Variants in HMCN1 observed in about 807,000 individuals in gnomAD.
HMCN1 encodes hemicentin-1.
In HMCN1, 321 loss-of-function variants were observed where a neutral mutation model predicts 625.9. The observed-to-expected ratio is 0.51, with a 90% CI of 0.47 to 0.56. The LOEUF (loss-of-function observed/expected upper bound fraction) is 0.56, where lower values mean the gene tolerates loss of function less well. Ranked by LOEUF, HMCN1 falls within the 20% of genes least tolerant of loss-of-function variation. The pLI is 0.00. For missense variants in HMCN1, 6,588 were observed against 6,887.3 expected (o/e 0.96, Z 1.54); for synonymous variants, 2,425 against 2,417.6 (o/e 1.00, Z -0.09).
intron 46 of HMCN1, 82 bp from the exon 47 acceptor site, chr1:186,061,769 C>T (rs576528751): frequency 8.2e-6 from 7 of 851,242 alleles, no homozygotes; most frequent in South Asian, 4.7e-5. Flanking sequence ...AAATTTTTAC[C>T]GAAATTGAGC....
At chr1:186,169,687 G>A (rs932015001) in intron 100 of HMCN1, among the ~76,000 whole-genome samples, 2 of 152,074 alleles carry the variant, frequency 1.3e-5, no homozygotes, top group Non-Finnish European at 2.9e-5. Flanking sequence ...AACTCAAGAT[G>A]GGTTACAGAC....
chr1:186,038,732 A>G (rs1045620742), intron 37 of HMCN1, 97 bp from the exon 38 acceptor site: 3 of 753,446 alleles, frequency 4.0e-6, no homozygotes, highest in African/African-American at 1.8e-5. Flanking sequence ...AATAATAAGT[A>G]TAAGAATAAA....
chr1:185,777,762 A>C (rs1270520353), intron 1 of HMCN1, among the ~76,000 whole-genome samples: 1 of 152,158 alleles, frequency 6.6e-6, no homozygotes, highest in Non-Finnish European at 1.5e-5. Context: ...GTTTCTTTAC[A>C]TCTTATTTAT....
intron 105 of HMCN1, among the ~76,000 whole-genome samples, chr1:186,182,681 T>C (rs1327213324): frequency 1.3e-5 from 2 of 152,254 alleles, no homozygotes; most frequent in African/African-American, 4.8e-5. Context: ...GTCCCTCTTA[T>C]TAAACTTATT....
chr1:186,097,518 T>C (rs951749315), intron 68 of HMCN1, among the ~76,000 whole-genome samples: 3 of 150,450 alleles, frequency 2.0e-5, no homozygotes, highest in Admixed American at 2.0e-4. Flanking sequence ...AAAAAAGATA[T>C]GTAAGAATAA....
At chr1:186,076,739 G>GCAGTCTA in intron 54 of HMCN1, 117 bp downstream of exon 54, 1 of 981,404 alleles carries the variant, frequency 1.0e-6, no homozygotes, top group South Asian at 1.3e-5. Flanking sequence ...CTGGCAGTTA[G>GCAGTCTA]ACTGCTGAAT....
chr1:185,749,339 A>G (rs188811479), intron 1 of HMCN1, among the ~76,000 whole-genome samples: 1 of 152,328 alleles, frequency 6.6e-6, no homozygotes, highest in African/African-American at 2.4e-5. Context: ...AGCAGATTGA[A>G]TGTTTTCTTT....
rs1159496508 is a variant in HMCN1 at position 186,144,547 on chromosome 1, G to A, written c.14110G>A (p.Ala4704Thr). Residue 4704 changes from alanine (A) to threonine (T), a missense_variant, in exon 91 of 107, where the codon GCG becomes ACG. By Grantham distance (58) the Ala-to-Thr change is moderately conservative (BLOSUM62 0). Around this residue, in one of 3 missense-constraint regions of HMCN1, gnomAD observed 1,954 missense variants for 2,013.1 expected, o/e 0.97. Coordinates refer to ENST00000271588, the MANE Select transcript of HMCN1 (RefSeq NM_031935.3). The part of the protein sequence containing the change: ...ERNCPIHGKW[A>T]TWASWSACSV... Reference sequence around the variant, plus strand: ...CCTTATTCCAGTTCATGGCAAGTGGGCGACTTGGGCCAGTTGGAGTGCCTG... The same window carrying A: ...CCTTATTCCAGTTCATGGCAAGTGGACGACTTGGGCCAGTTGGAGTGCCTG... 1 of 1,614,084 alleles carries A rather than the reference G, an allele frequency of 6.2e-7. No individual in the cohort carries two copies. The highest frequency in any genetic ancestry group is 2.2e-5 in the East Asian group (1 of 44,874).
At chr1:186,136,644 G>GAC in intron 86 of HMCN1, 24 bp from the exon 87 acceptor site, 1 of 1,612,782 alleles carries the variant, frequency 6.2e-7, no homozygotes, top group Middle Eastern at 1.7e-4. Context: ...CAAAAACTGA[G>GAC]ACACTATGTG....
chr1:186,163,748 G>A (rs1224409826), intron 97 of HMCN1, among the ~76,000 whole-genome samples: 1 of 152,044 alleles, frequency 6.6e-6, no homozygotes, highest in Non-Finnish European at 1.5e-5. Flanking sequence ...GCAAGGCAAG[G>A]GACAAATCAT....
At chr1:185,928,791 C>G in intron 10 of HMCN1, 124 bp downstream of exon 10, 1 of 1,080,054 alleles carries the variant, frequency 9.3e-7, no homozygotes, top group South Asian at 1.3e-5. Context: ...GTCTATCTCT[C>G]CACTGAATTG....
intron 41 of HMCN1, among the ~76,000 whole-genome samples, chr1:186,046,821 G>A (rs1656604104): frequency 6.6e-6 from 1 of 152,260 alleles, no homozygotes; most frequent in South Asian, 2.1e-4. Flanking sequence ...GACATTGAAA[G>A]TCATCCTAAG....
At chr1:185,793,927 T>C (rs1324724650) in intron 1 of HMCN1, among the ~76,000 whole-genome samples, 1 of 152,198 alleles carries the variant, frequency 6.6e-6, no homozygotes, top group Non-Finnish European at 1.5e-5. Context: ...GAATTTTTAC[T>C]AAGAACTATC....
At chr1:185,943,322 G>A (rs1370948476) in intron 11 of HMCN1, among the ~76,000 whole-genome samples, 1 of 152,180 alleles carries the variant, frequency 6.6e-6, no homozygotes, top group African/African-American at 2.4e-5. Flanking sequence ...CACTCCTTGT[G>A]GGAATGAGCC....
chr1:185,965,822 G>T lies in HMCN1; in HGVS notation c.2119G>T (p.Val707Phe), dbSNP rs137903471. Residue 707 changes from valine to phenylalanine, a missense_variant, in exon 14 of 107, where the codon GTT becomes TTT. Physicochemically the swap from Val to Phe is conservative, Grantham distance 50. Coordinates refer to ENST00000271588, the MANE Select transcript of HMCN1 (RefSeq NM_031935.3). The stretch of plus-strand genomic sequence containing the variant: ...TTCAGAAGCCCCTAAGTTGATGGTA[G>T]TTCAGAGTGAGCTCTTGGTTGCCCT... ...RYIEAPKLMV[V>F]QSELLVALGD... 8.3e-4 allele frequency: 1,336 copies of T among 1,610,446 alleles called. No homozygotes were observed. Among genetic ancestry groups the T allele is most frequent in the Admixed American group, 1.2e-3 (70 of 59,958 alleles).
intron 69 of HMCN1, among the ~76,000 whole-genome samples, chr1:186,106,648 A>G (rs1660624756): frequency 6.6e-6 from 1 of 152,250 alleles, no homozygotes; most frequent in Admixed American, 6.5e-5. Context: ...CATTAAATAT[A>G]CTTAACGTAC....
intron 1 of HMCN1, among the ~76,000 whole-genome samples, chr1:185,738,447 A>T (rs75684598): frequency 3.3e-5 from 5 of 152,216 alleles, no homozygotes; most frequent in Non-Finnish European, 7.3e-5. Context: ...TCACTTTAGC[A>T]TAACATTTTC....
chr1:186,068,135 GGT>G, intron 50 of HMCN1, 128 bp downstream of exon 50: 1 of 918,232 alleles, frequency 1.1e-6, no homozygotes, highest in Non-Finnish European at 1.8e-6. Context: ...TGTGCAGCCT[GGT>G]TCCTAATAGG....
chr1:185,830,938 A>G (rs1660820487), intron 1 of HMCN1, among the ~76,000 whole-genome samples: 1 of 152,060 alleles, frequency 6.6e-6, no homozygotes, highest in African/African-American at 2.4e-5. Flanking sequence ...CAAAACATAA[A>G]TCTATGCCCC....
Sources: gnomAD v4.1 joint callset for allele counts (sites outside exome capture counted in the v4.1 genomes callset) on GRCh38, gnomAD v4.1.1 for gene constraint, gnomAD v4.1.1 regional missense constraint, MANE v1.5 for transcripts, NCBI Gene and HGNC (gene_info 2026-07-23, HGNC 2026-07-21) for gene names.